The following KHDRBS3 variants were observed in gnomAD, a reference collection of about 807,000 sequenced individuals.
KHDRBS3 encodes the protein KH domain-containing, RNA-binding, signal transduction-associated protein 3.
In KHDRBS3, 23 loss-of-function variants were observed where a neutral mutation model predicts 45.6. The observed-to-expected ratio is 0.50, with a 90% CI of 0.36 to 0.72. The LOEUF is 0.72. Ranked by LOEUF, KHDRBS3 falls within the 30% of genes least tolerant of loss-of-function variation. The pLI is 0.00. For missense variants in KHDRBS3, 352 were observed against 424.8 expected (o/e 0.83, Z 1.51); for synonymous variants, 162 against 156.5 (o/e 1.04, Z -0.26).
At chr8:135,609,447 A>G (rs1224755777) in intron 7 of KHDRBS3, among the ~76,000 whole-genome samples, 1 of 152,014 alleles carries the variant, frequency 6.6e-6, no homozygotes, top group African/African-American at 2.4e-5. Flanking sequence ...GGCATGTGCC[A>G]CCATGCTTGG....
intron 2 of KHDRBS3, among the ~76,000 whole-genome samples, chr8:135,532,104 A>C (rs1215242860): frequency 6.6e-6 from 1 of 152,088 alleles, no homozygotes; most frequent in Non-Finnish European, 1.5e-5. Context: ...TGAGGAGGCT[A>C]CTCCATTTCA....
intron 5 of KHDRBS3, among the ~76,000 whole-genome samples, chr8:135,574,807 G>C (rs370632761): frequency 6.6e-6 from 1 of 152,132 alleles, no homozygotes; most frequent in Non-Finnish European, 1.5e-5. Context: ...CACCATTACC[G>C]TTCAGAGTGA....
At chr8:135,474,623 G>A (rs1563704098) in intron 1 of KHDRBS3, among the ~76,000 whole-genome samples, 1 of 152,170 alleles carries the variant, frequency 6.6e-6, no homozygotes, top group Non-Finnish European at 1.5e-5. Context: ...TTAATAAGAA[G>A]TTGTATTCTT....
chr8:135,594,325 G>A (rs1258314707), intron 6 of KHDRBS3, among the ~76,000 whole-genome samples: 1 of 152,186 alleles, frequency 6.6e-6, no homozygotes, highest in African/African-American at 2.4e-5. Context: ...ACAGGGTCTG[G>A]CCCTCAATTT....
intron 1 of KHDRBS3, among the ~76,000 whole-genome samples, chr8:135,508,104 T>A (rs1336163920): frequency 1.3e-5 from 2 of 152,162 alleles, no homozygotes; most frequent in Non-Finnish European, 2.9e-5. Context: ...GCCTTTACTG[T>A]GTAAATAGGG....
intron 6 of KHDRBS3, among the ~76,000 whole-genome samples, chr8:135,596,379 A>G (rs1828974094): frequency 6.6e-6 from 1 of 152,182 alleles, no homozygotes; most frequent in Non-Finnish European, 1.5e-5. Flanking sequence ...AGCTTAGGTG[A>G]AGGGACTGAT....
intron 1 of KHDRBS3, among the ~76,000 whole-genome samples, chr8:135,493,187 C>G (rs1350776189): frequency 2.0e-5 from 3 of 151,998 alleles, no homozygotes; most frequent in Non-Finnish European, 4.4e-5. Context: ...ACACCATTCT[C>G]CTGCCTCAGC....
At chr8:135,589,327 G>A (rs927823263) in intron 6 of KHDRBS3, among the ~76,000 whole-genome samples, 4 of 152,026 alleles carry the variant, frequency 2.6e-5, no homozygotes, top group African/African-American at 9.7e-5. Flanking sequence ...CCCCCCATAA[G>A]GAAGAGAGCT....
chr8:135,610,608 C>T (rs960759100), intron 7 of KHDRBS3, among the ~76,000 whole-genome samples: 26 of 151,904 alleles, frequency 1.7e-4, no homozygotes, highest in Admixed American at 1.5e-3. Context: ...TTCTAATTAT[C>T]GTGAGCGGTC....
intron 7 of KHDRBS3, among the ~76,000 whole-genome samples, chr8:135,644,354 C>A (rs186795303): frequency 8.9e-4 from 136 of 152,280 alleles, no homozygotes; most frequent in African/African-American, 2.6e-3. Context: ...GATCCTTGGC[C>A]TCATGTAACC....
chr8:135,516,371 G>A lies in KHDRBS3; in HGVS notation c.89-4866G>A, dbSNP rs529910421. 4.6e-5 allele frequency among the ~76,000 whole-genome samples: 7 copies of A among 152,218 alleles called. No individual in the cohort carries two copies. The South Asian group carries it at 1.5e-3, about 32-fold the overall frequency. On this transcript the variant is annotated intron_variant, in intron 1 of 8. Transcript: ENST00000355849. ...TGGAAGGTTTGTTTACACTATCATT[G>A]CCACAAACATGTAATGCTTTGTGCT...
At chr8:135,644,368 C>T (rs926194855) in intron 7 of KHDRBS3, among the ~76,000 whole-genome samples, 10 of 152,182 alleles carry the variant, frequency 6.6e-5, no homozygotes, top group Non-Finnish European at 1.0e-4. Context: ...TGTAACCAGA[C>T]TTGTGACTGG....
intron 2 of KHDRBS3, among the ~76,000 whole-genome samples, chr8:135,534,597 T>C (rs916575703): frequency 1.1e-4 from 16 of 152,072 alleles, no homozygotes; most frequent in Non-Finnish European, 1.9e-4. Flanking sequence ...GAAAAGACCA[T>C]AATGTTTGAG....
At chr8:135,483,006 T>A (rs915079907) in intron 1 of KHDRBS3, among the ~76,000 whole-genome samples, 8 of 152,162 alleles carry the variant, frequency 5.3e-5, no homozygotes, top group Admixed American at 5.2e-4. Flanking sequence ...AGGTAGTGCT[T>A]TGTTGTTCTC....
intron 5 of KHDRBS3, among the ~76,000 whole-genome samples, chr8:135,577,924 T>A (rs1443444483): frequency 6.6e-6 from 1 of 152,188 alleles, no homozygotes; most frequent in Non-Finnish European, 1.5e-5. Context: ...TTTATTTTAG[T>A]CATTTTAATA....
intron 7 of KHDRBS3, among the ~76,000 whole-genome samples, chr8:135,616,926 A>G (rs1482113085): frequency 6.6e-6 from 1 of 152,118 alleles, no homozygotes; most frequent in Non-Finnish European, 1.5e-5. Context: ...GAAGAGAATA[A>G]TAACTTTTGT....
At chr8:135,655,329 A>G (rs1245104782) in intron 4 of KHDRBS3, among the ~76,000 whole-genome samples, 1 of 152,190 alleles carries the variant, frequency 6.6e-6, no homozygotes, top group Admixed American at 6.5e-5. Flanking sequence ...GCAGAGGAGA[A>G]AGGGATGAAC....
chr8:135,464,673 A>G (rs1419265085), intron 1 of KHDRBS3, among the ~76,000 whole-genome samples: 2 of 152,242 alleles, frequency 1.3e-5, no homozygotes, highest in Non-Finnish European at 2.9e-5. Flanking sequence ...AGTAGCTACC[A>G]TTTATCAAGA....
At chr8:135,537,461 G>A (rs751910362) in intron 2 of KHDRBS3, among the ~76,000 whole-genome samples, 2 of 152,278 alleles carry the variant, frequency 1.3e-5, no homozygotes, top group South Asian at 2.1e-4. Context: ...TCAGAAAGGC[G>A]CTTGGTCTTT....
Sources: allele counts gnomAD v4.1 joint callset (sites outside exome capture counted in the v4.1 genomes callset), GRCh38; gene constraint gnomAD v4.1.1; transcripts MANE v1.5; gene names NCBI Gene and HGNC (gene_info 2026-07-23, HGNC 2026-07-21).